CTNNA3: variants seen among roughly 807,000 people sequenced by gnomAD.
CTNNA3 encodes the protein catenin alpha-3.
Under a neutral mutation model 95.7 loss-of-function variants are expected in CTNNA3, and 76 were observed. The observed-to-expected ratio is 0.79, with a 90% confidence interval of 0.66 to 0.96. The LOEUF (loss-of-function observed/expected upper bound fraction) is 0.96. CTNNA3 is among the 40% of genes least tolerant of loss of function. The probability of loss-of-function intolerance (pLI) is 0.00; values close to 1 mark genes in which losing one functional copy is unlikely to be tolerated. For missense variants in CTNNA3, 1,191 were observed against 1,089.8 expected (o/e 1.09, Z -1.31); for synonymous variants, 431 against 374.4 (o/e 1.15, Z -1.74).
At chr10:66,553,208 A>G (rs1018971641) in intron 10 of CTNNA3, among the ~76,000 whole-genome samples, 2 of 151,966 alleles carry the variant, frequency 1.3e-5, no homozygotes, top group African/African-American at 2.4e-5. Flanking sequence ...TATGGTTTTT[A>G]TCTTTTAAAA....
intron 1 of CTNNA3, among the ~76,000 whole-genome samples, chr10:67,694,589 T>C (rs1840928608): frequency 6.6e-6 from 1 of 152,140 alleles, no homozygotes. Flanking sequence ...TCAGCAATGA[T>C]TAATAAAATT....
intron 5 of CTNNA3, among the ~76,000 whole-genome samples, chr10:67,495,071 T>C (rs1223728043): frequency 1.3e-5 from 2 of 152,226 alleles, no homozygotes; most frequent in East Asian, 3.8e-4. Flanking sequence ...TATTATTTTA[T>C]CTGGCAACCC....
chr10:67,621,733 A>G (rs1364842019), intron 2 of CTNNA3, among the ~76,000 whole-genome samples: 2 of 148,978 alleles, frequency 1.3e-5, no homozygotes, highest in Non-Finnish European at 3.0e-5. Flanking sequence ...TAGGCAACAC[A>G]GCTAGACATC....
chr10:66,198,775 C>A (rs995865546), intron 13 of CTNNA3, among the ~76,000 whole-genome samples: 1 of 152,082 alleles, frequency 6.6e-6, no homozygotes, highest in Non-Finnish European at 1.5e-5. Context: ...ATACAATGTA[C>A]TTTATGTAAT....
chr10:66,941,003 C>A (rs1240537607), intron 7 of CTNNA3, among the ~76,000 whole-genome samples: 1 of 152,160 alleles, frequency 6.6e-6, no homozygotes, highest in Non-Finnish European at 1.5e-5. Flanking sequence ...ATTAAACCTT[C>A]TCCACCTGTA....
At chr10:66,428,981 G>C (rs1341627369) in intron 11 of CTNNA3, among the ~76,000 whole-genome samples, 2 of 151,850 alleles carry the variant, frequency 1.3e-5, no homozygotes, top group African/African-American at 4.8e-5. Flanking sequence ...TTTTTGAAAA[G>C]ATCAAAAAAA....
intron 1 of CTNNA3, among the ~76,000 whole-genome samples, chr10:67,651,140 AG>A (rs1839868119): frequency 1.3e-5 from 2 of 152,120 alleles, no homozygotes; most frequent in African/African-American, 4.8e-5. Context: ...AAAAAAAAAA[AG>A]ATTAACTTTT....
intron 5 of CTNNA3, among the ~76,000 whole-genome samples, chr10:67,511,546 T>C (rs573866591): frequency 2.0e-5 from 3 of 152,278 alleles, no homozygotes; most frequent in East Asian, 1.9e-4. Flanking sequence ...GGATGAAGCC[T>C]ACTTGATTGT....
At chr10:66,280,052 T>C (rs1487432805) in intron 13 of CTNNA3, among the ~76,000 whole-genome samples, 1 of 151,986 alleles carries the variant, frequency 6.6e-6, no homozygotes, top group Non-Finnish European at 1.5e-5. Context: ...TGATCTAGGA[T>C]GAGAGGGTTT....
At chr10:66,705,363 C>T (rs1324020370) in intron 9 of CTNNA3, among the ~76,000 whole-genome samples, 2 of 151,934 alleles carry the variant, frequency 1.3e-5, no homozygotes, top group Non-Finnish European at 2.9e-5. Flanking sequence ...ATAGTGTTAG[C>T]CTCAGAGAAC....
intron 7 of CTNNA3, among the ~76,000 whole-genome samples, chr10:67,127,742 C>T (rs1859786030): frequency 6.6e-6 from 1 of 152,012 alleles, no homozygotes; most frequent in Admixed American, 6.6e-5. Flanking sequence ...CTAATCTCAC[C>T]CTCACTCATT....
chr10:65,945,446 A>C (rs1013508654), intron 17 of CTNNA3, among the ~76,000 whole-genome samples: 1 of 152,202 alleles, frequency 6.6e-6, no homozygotes, highest in African/African-American at 2.4e-5. Flanking sequence ...TCTGAACTCT[A>C]AAAATGCTGT....
chr10:67,560,442 G>A (rs1174417497), intron 3 of CTNNA3, among the ~76,000 whole-genome samples: 1 of 152,138 alleles, frequency 6.6e-6, no homozygotes, highest in African/African-American at 2.4e-5. Context: ...AATGCTGAGA[G>A]ATTTTGTCAC....
chr10:67,452,006 G>A (rs1471088884), intron 5 of CTNNA3, among the ~76,000 whole-genome samples: 2 of 148,190 alleles, frequency 1.3e-5, no homozygotes, highest in Non-Finnish European at 3.0e-5. Flanking sequence ...AAGGAAATAA[G>A]GAAGGAAGAA....
intron 7 of CTNNA3, among the ~76,000 whole-genome samples, chr10:66,964,937 T>C (rs568039192): frequency 6.6e-6 from 1 of 152,306 alleles, no homozygotes; most frequent in Admixed American, 6.5e-5. Context: ...AAAAGTTACA[T>C]TTTGGAATAA....
intron 5 of CTNNA3, among the ~76,000 whole-genome samples, chr10:67,439,790 T>A (rs1846430861): frequency 6.6e-6 from 1 of 151,772 alleles, no homozygotes; most frequent in Non-Finnish European, 1.5e-5. Context: ...GGATTCATCA[T>A]CTGACTAAGG....
intron 9 of CTNNA3, among the ~76,000 whole-genome samples, chr10:66,721,240 C>T (rs570043047): frequency 6.6e-6 from 1 of 152,142 alleles, no homozygotes; most frequent in South Asian, 2.1e-4. Flanking sequence ...TGGTTATGGG[C>T]AAGACAGTCT....
chr10:66,516,799 C>T (rs908553054), intron 11 of CTNNA3, among the ~76,000 whole-genome samples: 1 of 152,168 alleles, frequency 6.6e-6, no homozygotes, highest in Non-Finnish European at 1.5e-5. Context: ...ACTTTCTTCT[C>T]TAAAGTTAAA....
intron 14 of CTNNA3, among the ~76,000 whole-genome samples, chr10:66,071,591 A>G (rs1205669387): frequency 6.6e-6 from 1 of 152,172 alleles, no homozygotes; most frequent in African/African-American, 2.4e-5. Flanking sequence ...ATTGCCCACA[A>G]TATACCAATA....
Sources: allele counts gnomAD v4.1 joint callset (sites outside exome capture counted in the v4.1 genomes callset), GRCh38; gene constraint gnomAD v4.1.1; transcripts MANE v1.5; gene names NCBI Gene and HGNC (gene_info 2026-07-23, HGNC 2026-07-21).